The following TRAPPC12 variants were observed in gnomAD, a reference collection of about 807,000 sequenced individuals.
TRAPPC12 encodes the protein trafficking protein particle complex subunit 12.
TRAPPC12 carries 61 observed loss-of-function variants against 69.2 expected under a neutral mutation model. The observed-to-expected ratio is 0.88, with a 90% CI of 0.72 to 1.09. The LOEUF (loss-of-function observed/expected upper bound fraction) is 1.09. TRAPPC12 is among the 50% of genes least tolerant of loss of function. The probability of loss-of-function intolerance (pLI) is 0.00; values close to 1 mark genes in which losing one functional copy is unlikely to be tolerated. For missense variants in TRAPPC12, 1,101 were observed against 1,016.4 expected, an observed-to-expected ratio of 1.08 and a Z score of -1.13; for synonymous variants, 469 against 438.9, an observed-to-expected ratio of 1.07 and a Z score of -0.86.
intron 3 of TRAPPC12, among the ~76,000 whole-genome samples, chr2:3,413,047 G>C (rs75769964): frequency 4.0e-4 from 61 of 152,192 alleles, no homozygotes; most frequent in Non-Finnish European, 7.6e-4. Flanking sequence ...GAAGAAAACA[G>C]TTGAATACTT....
In TRAPPC12 at chr2:3,479,227, C is replaced by T; in HGVS notation, c.1974C>T (p.Asn658=). The T allele has an allele frequency of 6.2e-7, 1 of 1,613,380 alleles. No homozygotes were observed. Among genetic ancestry groups the T allele is most frequent in the Non-Finnish European group, 8.5e-7 (1 of 1,179,474 alleles). Residue 658 remains asparagine (N), a synonymous_variant, in exon 12 of 12, where the codon AAC becomes AAT. Transcript: ENST00000324266. ...CGTGTGCTCCTCCCTAGGCCAACAACAACGCTGCCGTGTGTCTGCTCTACC... is the reference window on the plus strand; with the variant it reads ...CGTGTGCTCCTCCCTAGGCCAACAATAACGCTGCCGTGTGTCTGCTCTACC... ...RMDPRNAVAN[N]NAAVCLLYLG...
chr2:3,413,091 G>A (rs568091761), intron 3 of TRAPPC12, among the ~76,000 whole-genome samples: 1 of 152,318 alleles, frequency 6.6e-6, no homozygotes, highest in African/African-American at 2.4e-5. Context: ...GTTACTGGTA[G>A]AACTTAAAAA....
intron 9 of TRAPPC12, among the ~76,000 whole-genome samples, chr2:3,468,277 C>G (rs554898353): frequency 3.6e-4 from 54 of 152,092 alleles, no homozygotes; most frequent in African/African-American, 1.3e-3. Flanking sequence ...TCAGCAAGCT[C>G]TCCCTTCCCT....
chr2:3,426,992 G>A (rs1301457147), intron 5 of TRAPPC12, among the ~76,000 whole-genome samples: 4 of 152,172 alleles, frequency 2.6e-5, no homozygotes, highest in Admixed American at 6.5e-5. Context: ...GTGTAAGACC[G>A]AATTTCCAGC....
intron 8 of TRAPPC12, among the ~76,000 whole-genome samples, chr2:3,461,394 C>T (rs778679176): frequency 1.1e-4 from 16 of 152,350 alleles, no homozygotes; most frequent in Admixed American, 3.9e-4. Flanking sequence ...GCTGCCTTTG[C>T]GCTTCTGCGT....
intron 4 of TRAPPC12, among the ~76,000 whole-genome samples, chr2:3,423,313 C>T (rs1019325341): frequency 3.7e-5 from 5 of 136,692 alleles, no homozygotes; most frequent in African/African-American, 1.4e-4. Context: ...TGCATTGCCT[C>T]GCATGCCTTT....
intron 3 of TRAPPC12, among the ~76,000 whole-genome samples, chr2:3,408,231 G>A (rs1050485065): frequency 4.6e-5 from 7 of 152,214 alleles, no homozygotes; most frequent in African/African-American, 1.2e-4. Context: ...CACTAAAGAG[G>A]AGGGAAGCGG....
At chr2:3,391,206 T>C (rs1660804091) in intron 2 of TRAPPC12, among the ~76,000 whole-genome samples, 1 of 152,168 alleles carries the variant, frequency 6.6e-6, no homozygotes, top group Non-Finnish European at 1.5e-5. Context: ...TCCCAGTTAC[T>C]GGCCTCAGAT....
chr2:3,434,344 C>T (rs779838272), intron 5 of TRAPPC12, among the ~76,000 whole-genome samples: 13 of 152,172 alleles, frequency 8.5e-5, no homozygotes, highest in Admixed American at 3.9e-4. Context: ...TATATTTTTT[C>T]TAGGAAGGGG....
intron 2 of TRAPPC12, among the ~76,000 whole-genome samples, chr2:3,399,877 G>A (rs1487620709): frequency 4.7e-5 from 7 of 149,416 alleles, no homozygotes; most frequent in East Asian, 2.0e-4. Flanking sequence ...CTGAGCCAGC[G>A]GTGAAGTCCA....
intron 2 of TRAPPC12, among the ~76,000 whole-genome samples, chr2:3,394,408 G>C (rs1660998455): frequency 6.6e-6 from 1 of 152,136 alleles, no homozygotes; most frequent in African/African-American, 2.4e-5. Context: ...GGATCATGAG[G>C]TCAGGAGATC....
intron 9 of TRAPPC12, among the ~76,000 whole-genome samples, chr2:3,465,961 A>G (rs2103154485): frequency 6.6e-6 from 1 of 152,312 alleles, no homozygotes; most frequent in Middle Eastern, 3.4e-3. Flanking sequence ...TACTCTAGAC[A>G]TTGTCCTGCT....
intron 9 of TRAPPC12, among the ~76,000 whole-genome samples, chr2:3,473,272 C>T (rs996924813): frequency 3.3e-5 from 5 of 152,116 alleles, no homozygotes; most frequent in Admixed American, 2.0e-4. Context: ...TGAAGGAGAA[C>T]TCAAGAAAAA....
At chr2:3,449,914 C>G (rs868666448) in intron 6 of TRAPPC12, among the ~76,000 whole-genome samples, 1 of 152,132 alleles carries the variant, frequency 6.6e-6, no homozygotes. Flanking sequence ...GGATGGCCAT[C>G]CATCGAGGCC....
At chr2:3,439,446 G>A (rs926742329) in intron 5 of TRAPPC12, among the ~76,000 whole-genome samples, 1 of 152,098 alleles carries the variant, frequency 6.6e-6, no homozygotes, top group Non-Finnish European at 1.5e-5. Flanking sequence ...GGCACACCTG[G>A]CTAGTTTTTG....
intron 6 of TRAPPC12, chr2:3,454,498 G>A (rs1017909669): frequency 6.6e-6 from 1 of 152,294 alleles, no homozygotes; most frequent in Non-Finnish European, 1.5e-5. Context: ...GGTGTAGCCT[G>A]CCTGGTGTCT....
chr2:3,387,157 C>T (rs907768411), intron 1 of TRAPPC12, among the ~76,000 whole-genome samples: 1 of 152,082 alleles, frequency 6.6e-6, no homozygotes, highest in African/African-American at 2.4e-5. Flanking sequence ...GCTGGATAAA[C>T]AAAATGTAGT....
chr2:3,382,775 A>G (rs1266437677), intron 1 of TRAPPC12, among the ~76,000 whole-genome samples: 2 of 152,112 alleles, frequency 1.3e-5, no homozygotes, highest in Non-Finnish European at 2.9e-5. Context: ...AAATACAAAA[A>G]TAGCTGAGTG....
At chr2:3,396,141 A>C (rs978781055) in intron 2 of TRAPPC12, among the ~76,000 whole-genome samples, 4 of 152,344 alleles carry the variant, frequency 2.6e-5, no homozygotes, top group African/African-American at 9.6e-5. Context: ...CTGGGATTAC[A>C]GGCATGAGCC....
Sources: allele counts gnomAD v4.1 joint callset (sites outside exome capture counted in the v4.1 genomes callset), GRCh38; gene constraint gnomAD v4.1.1; transcripts MANE v1.5; gene names NCBI Gene and HGNC (gene_info 2026-07-23, HGNC 2026-07-21).